ME3: variants seen among roughly 807,000 people sequenced by gnomAD.
The protein encoded by ME3 is NADP-dependent malic enzyme, mitochondrial.
In ME3, 48 loss-of-function variants were observed where a neutral mutation model predicts 68.9. The ratio of observed to expected loss-of-function variants is 0.70; its 90% confidence interval spans 0.55 to 0.89. ME3 has a LOEUF of 0.89. Ranked by LOEUF, ME3 falls within the 40% of genes least tolerant of loss-of-function variation. The pLI, the probability that ME3 is intolerant of heterozygous loss-of-function variation, is 0.00. For synonymous variants in ME3, 320 were observed against 318.8 expected (o/e 1.00, Z -0.04); for missense variants, 675 against 797.4 (o/e 0.85, Z 1.85).
intron 2 of ME3, among the ~76,000 whole-genome samples, chr11:86,654,313 A>G (rs1053419605): frequency 6.6e-6 from 1 of 152,244 alleles, no homozygotes; most frequent in African/African-American, 2.4e-5. Flanking sequence ...TTTTAGACCA[A>G]TATCTTTGAT....
chr11:86,661,831 A>AGTATTGTATTGTATT (rs57724567), intron 2 of ME3, among the ~76,000 whole-genome samples: 2 of 150,026 alleles, frequency 1.3e-5, no homozygotes, highest in African/African-American at 4.9e-5. Context: ...TTCAAGGCAG[A>AGTATTGTATTGTATT]GTATTGTATT....
chr11:86,617,045 GTTTTTTTTTTTTTTTTT>G (rs563738961), intron 2 of ME3, among the ~76,000 whole-genome samples: 3 of 56,300 alleles, frequency 5.3e-5, no homozygotes, highest in African/African-American at 2.0e-4. Context: ...CAAGATAGTA[GTTTTTTTTTTTTTTTTT>G]TTTTTTTTTT....
chr11:86,476,196 A>G (rs1265032051), intron 7 of ME3, among the ~76,000 whole-genome samples: 1 of 152,052 alleles, frequency 6.6e-6, no homozygotes, highest in African/African-American at 2.4e-5. Flanking sequence ...AGACCTCCAC[A>G]CTTGACCTTG....
chr11:86,552,061 G>A (rs908764281), intron 4 of ME3, among the ~76,000 whole-genome samples: 2 of 152,224 alleles, frequency 1.3e-5, no homozygotes, highest in African/African-American at 4.8e-5. Flanking sequence ...CTTGGGTGGG[G>A]TGACTGAGTA....
At chr11:86,507,293 T>C (rs1169401178) in intron 5 of ME3, among the ~76,000 whole-genome samples, 1 of 152,248 alleles carries the variant, frequency 6.6e-6, no homozygotes, top group Non-Finnish European at 1.5e-5. Flanking sequence ...TCACTGTTTC[T>C]GGATCAGTCT....
intron 2 of ME3, among the ~76,000 whole-genome samples, chr11:86,576,751 A>G (rs1364129690): frequency 6.6e-6 from 1 of 152,170 alleles, no homozygotes; most frequent in East Asian, 1.9e-4. Flanking sequence ...TTCTTCATTC[A>G]GGGCTCACAT....
intron 2 of ME3, among the ~76,000 whole-genome samples, chr11:86,659,838 G>T (rs1369183881): frequency 6.6e-6 from 1 of 152,184 alleles, no homozygotes; most frequent in Non-Finnish European, 1.5e-5. Flanking sequence ...GGTAGATAGA[G>T]ACATAGATGA....
chr11:86,631,619 T>A (rs1274719223), intron 2 of ME3, among the ~76,000 whole-genome samples: 1 of 152,198 alleles, frequency 6.6e-6, no homozygotes, highest in Non-Finnish European at 1.5e-5. Flanking sequence ...TTCTGATGCA[T>A]CTGGAACCAT....
At position 86,594,951 on chromosome 11, in the gene ME3, T is replaced by G. The variant is rs781300838; in HGVS notation, c.184-35128A>C. ...TCTCCAGTGAAATGCTAGGCTTCTGTGGGGGATGAGCTAGGACAAGCCAGG... is the reference window on the plus strand; with the variant it reads ...TCTCCAGTGAAATGCTAGGCTTCTGGGGGGGATGAGCTAGGACAAGCCAGG... On this transcript the variant is annotated intron_variant, in intron 2 of 14. Transcript: ENST00000543262. Among the ~76,000 whole-genome samples the G allele has an allele frequency of 1.2e-4, 18 of 144,926 alleles. 3 individuals are homozygous for G. Among genetic ancestry groups the G allele is most frequent in the Non-Finnish European group, 2.4e-4 (16 of 66,830 alleles).
chr11:86,640,894 T>C (rs1259451846), intron 2 of ME3, among the ~76,000 whole-genome samples: 1 of 152,018 alleles, frequency 6.6e-6, no homozygotes, highest in Non-Finnish European at 1.5e-5. Context: ...CAGGATCTCA[T>C]CTCCAGGATA....
At chr11:86,623,128 T>A (rs1410679057) in intron 2 of ME3, among the ~76,000 whole-genome samples, 1 of 152,182 alleles carries the variant, frequency 6.6e-6, no homozygotes, top group Non-Finnish European at 1.5e-5. Context: ...GATTAGCATT[T>A]GAATCAGTAG....
At position 86,532,433 on chromosome 11, in the gene ME3, C is replaced by G. The variant is rs570631714; in HGVS notation, c.468-23566G>C. Among the ~76,000 whole-genome samples the G allele has an allele frequency of 3.3e-5, 5 of 152,284 alleles. No individual in the cohort carries two copies. The South Asian group carries it at 1.0e-3, about 32-fold the overall frequency. ...AATACACATTCTTCTCCAATGCATA[C>G]AGAACATTCTCCTGGATAGATCATA... On this transcript the variant is annotated intron_variant, in intron 4 of 14. Transcript: ENST00000543262.
intron 4 of ME3, among the ~76,000 whole-genome samples, chr11:86,544,974 C>G (rs1032231247): frequency 1.3e-5 from 2 of 152,162 alleles, no homozygotes; most frequent in African/African-American, 4.8e-5. Context: ...GCTTATCCAC[C>G]ACGATCAAGT....
At chr11:86,556,749 C>G in intron 3 of ME3, 47 bp from the exon 4 acceptor site, 1 of 1,590,862 alleles carries the variant, frequency 6.3e-7, no homozygotes, top group Non-Finnish European at 8.6e-7. Flanking sequence ...TAGCAGCAGG[C>G]CCTGATGCCT....
chr11:86,511,032 A>G (rs908359862), intron 4 of ME3, among the ~76,000 whole-genome samples: 2 of 152,176 alleles, frequency 1.3e-5, no homozygotes, highest in African/African-American at 2.4e-5. Context: ...TCTTTTATAC[A>G]ACCCGTTGCC....
intron 8 of ME3, 135 bp from the exon 9 acceptor site, chr11:86,450,533 A>G (rs1174422020): frequency 1.6e-6 from 1 of 634,680 alleles, no homozygotes; most frequent in Admixed American, 2.9e-5. Context: ...CCCTGTAGGC[A>G]TGCAAGTTTT....
At chr11:86,634,395 G>A (rs1286870436) in intron 2 of ME3, among the ~76,000 whole-genome samples, 1 of 152,168 alleles carries the variant, frequency 6.6e-6, no homozygotes, top group East Asian at 1.9e-4. Flanking sequence ...GTCAGCTAAT[G>A]GTCAGCATGC....
At chr11:86,571,257 G>T (rs959573322) in intron 2 of ME3, among the ~76,000 whole-genome samples, 20 of 152,150 alleles carry the variant, frequency 1.3e-4, no homozygotes, top group Non-Finnish European at 7.4e-5. Flanking sequence ...ATGGATGGAT[G>T]GATTCATTCA....
chr11:86,529,603 C>A (rs1955045338), intron 4 of ME3, among the ~76,000 whole-genome samples: 1 of 152,148 alleles, frequency 6.6e-6, no homozygotes, highest in African/African-American at 2.4e-5. Context: ...ATGCAAAATT[C>A]CTCAATAAAA....
Sources: allele counts gnomAD v4.1 joint callset (sites outside exome capture counted in the v4.1 genomes callset), GRCh38; gene constraint gnomAD v4.1.1; transcripts MANE v1.5; gene names NCBI Gene and HGNC (gene_info 2026-07-23, HGNC 2026-07-21).